Variants in COP1 observed in about 807,000 individuals in gnomAD.
The protein encoded by COP1 is E3 ubiquitin-protein ligase COP1.
In COP1, 24 loss-of-function variants were observed where a neutral mutation model predicts 101.3. The ratio of observed to expected loss-of-function variants is 0.24; its 90% CI spans 0.17 to 0.33. The LOEUF (loss-of-function observed/expected upper bound fraction) is 0.33, where lower values mean the gene tolerates loss of function less well. COP1 is among the 10% of genes least tolerant of loss of function. The pLI is 1.00. For missense variants in COP1, 663 were observed against 906.2 expected (o/e 0.73, Z 3.45); for synonymous variants, 347 against 341.9 (o/e 1.01, Z -0.17).
chr1:176,021,958 T>C (rs752010220), intron 15 of COP1, among the ~76,000 whole-genome samples: 13 of 152,256 alleles, frequency 8.5e-5, no homozygotes, highest in Non-Finnish European at 1.9e-4. Flanking sequence ...CACATCTTTA[T>C]TATCTTTTAA....
intron 18 of COP1, among the ~76,000 whole-genome samples, chr1:175,959,593 A>G (rs1423589244): frequency 6.6e-6 from 1 of 152,114 alleles, no homozygotes; most frequent in Admixed American, 6.6e-5. Flanking sequence ...TTAATAAGAG[A>G]GTTTAGCAAG....
At chr1:176,128,308 T>A (rs939809682) in intron 8 of COP1, among the ~76,000 whole-genome samples, 1 of 152,088 alleles carries the variant, frequency 6.6e-6, no homozygotes, top group Non-Finnish European at 1.5e-5. Flanking sequence ...CTATTACCTA[T>A]CAATTTTAAT....
intron 14 of COP1, among the ~76,000 whole-genome samples, chr1:176,030,637 A>G (rs1430403387): frequency 2.0e-5 from 3 of 152,236 alleles, no homozygotes; most frequent in Non-Finnish European, 2.9e-5. Flanking sequence ...TCAATATATA[A>G]GATATTAGAA....
chr1:176,115,860 TA>T (rs1686103422), intron 9 of COP1, among the ~76,000 whole-genome samples: 1 of 152,190 alleles, frequency 6.6e-6, no homozygotes, highest in Non-Finnish European at 1.5e-5. Flanking sequence ...GAGTAAAGGT[TA>T]AAATACTCAT....
At chr1:176,204,079 T>C (rs1700578213) in intron 1 of COP1, among the ~76,000 whole-genome samples, 1 of 152,196 alleles carries the variant, frequency 6.6e-6, no homozygotes, top group South Asian at 2.1e-4. Context: ...CTGGGCTAAA[T>C]ACATGTACTC....
At chr1:176,090,911 T>G (rs1681157929) in intron 9 of COP1, among the ~76,000 whole-genome samples, 1 of 152,060 alleles carries the variant, frequency 6.6e-6, no homozygotes, top group African/African-American at 2.4e-5. Flanking sequence ...TCCGATCAAG[T>G]GAGATAATTA....
intron 6 of COP1, among the ~76,000 whole-genome samples, chr1:176,143,131 A>G (rs958449965): frequency 6.7e-6 from 1 of 149,002 alleles, no homozygotes; most frequent in African/African-American, 2.6e-5. Context: ...AGCGAGAGAG[A>G]GAGAGAGCGA....
At chr1:176,115,175 G>A (rs575562819) in intron 9 of COP1, among the ~76,000 whole-genome samples, 186 of 152,332 alleles carry the variant, frequency 1.2e-3, no homozygotes, top group Middle Eastern at 3.4e-3. Context: ...GTGGCCGGGA[G>A]TGGTGGCTCA....
At chr1:175,959,872 T>TC (rs1651119676) in intron 18 of COP1, among the ~76,000 whole-genome samples, 3 of 152,156 alleles carry the variant, frequency 2.0e-5, no homozygotes, top group Admixed American at 2.0e-4. Flanking sequence ...ATCAAATACA[T>TC]CTTCAGGGCT....
intron 8 of COP1, among the ~76,000 whole-genome samples, chr1:176,132,583 T>C (rs1053086944): frequency 5.7e-5 from 8 of 141,516 alleles, no homozygotes; most frequent in African/African-American, 1.8e-4. Context: ...ATACTATATA[T>C]ACACACATAT....
At chr1:175,947,030 T>C (rs1649264611) in intron 19 of COP1, among the ~76,000 whole-genome samples, 165 bp downstream of exon 19, 1 of 152,208 alleles carries the variant, frequency 6.6e-6, no homozygotes, top group Non-Finnish European at 1.5e-5. Flanking sequence ...TCTCCACAGA[T>C]GCAAGCTACC....
chr1:176,009,490 G>A (rs1191530296), intron 15 of COP1, among the ~76,000 whole-genome samples: 1 of 152,116 alleles, frequency 6.6e-6, no homozygotes, highest in Non-Finnish European at 1.5e-5. Context: ...GTTAAATTAT[G>A]TCCTTGTGTA....
chr1:175,983,717 A>C (rs1656427295), intron 18 of COP1, among the ~76,000 whole-genome samples: 1 of 152,164 alleles, frequency 6.6e-6, no homozygotes, highest in Non-Finnish European at 1.5e-5. Flanking sequence ...AATGGCTTTG[A>C]CCAAAATGCT....
chr1:176,069,753 GA>G (rs1676648841), intron 11 of COP1, among the ~76,000 whole-genome samples: 1 of 152,150 alleles, frequency 6.6e-6, no homozygotes, highest in African/African-American at 2.4e-5. Flanking sequence ...ATATTACCCA[GA>G]AGGCAGCAGC....
chr1:176,025,807 T>C (rs1396905336), intron 15 of COP1, among the ~76,000 whole-genome samples: 1 of 152,004 alleles, frequency 6.6e-6, no homozygotes, highest in Non-Finnish European at 1.5e-5. Flanking sequence ...GGAGGATCAC[T>C]TGAGCCAGGG....
chr1:176,196,145 T>C (rs1332312742), intron 1 of COP1, among the ~76,000 whole-genome samples: 4 of 152,144 alleles, frequency 2.6e-5, no homozygotes, highest in Non-Finnish European at 5.9e-5. Context: ...ATTGATAAGA[T>C]TAAGTGTTGC....
At chr1:175,984,665 G>A (rs1365836991) in intron 18 of COP1, among the ~76,000 whole-genome samples, 2 of 152,178 alleles carry the variant, frequency 1.3e-5, no homozygotes, top group African/African-American at 4.8e-5. Context: ...CACAGACAAT[G>A]CCAGCTCGTT....
chr1:176,206,895 G>C lies in COP1; in HGVS notation c.84C>G (p.Ser28=). The change falls in exon 1 of 20, where the codon TCC becomes TCG. Residue 28 remains serine (S), a synonymous_variant. Transcript: ENST00000367669. ...GCGACGGGGAAGAGGATAAAGACGAGGAGGCGGAAGTCACCGAGGAGGCCG... is the reference window on the plus strand; with the variant it reads ...GCGACGGGGAAGAGGATAAAGACGACGAGGCGGAAGTCACCGAGGAGGCCG... ...SSAASSVTSA[S]SSLSSSPSPP... The C allele has an allele frequency of 6.8e-7, 1 of 1,465,568 alleles. No homozygotes were observed. Among genetic ancestry groups the C allele is most frequent in the Non-Finnish European group, 9.0e-7 (1 of 1,114,262 alleles). The allele number at this position is 1,465,568 out of a possible 1,614,324, so 90.8% of individuals were successfully genotyped here.
intron 11 of COP1, among the ~76,000 whole-genome samples, chr1:176,051,628 G>A (rs1017805679): frequency 6.6e-6 from 1 of 152,088 alleles, no homozygotes; most frequent in Non-Finnish European, 1.5e-5. Context: ...AGGTCCTTCA[G>A]GAGGTATTCC....
Sources: gnomAD v4.1 joint callset for allele counts (sites outside exome capture counted in the v4.1 genomes callset) on GRCh38, gnomAD v4.1.1 for gene constraint, MANE v1.5 for transcripts, NCBI Gene and HGNC (gene_info 2026-07-23, HGNC 2026-07-21) for gene names.